Variants in ESR1 observed in about 807,000 individuals in gnomAD.
ESR1 encodes estrogen receptor.
Under a neutral mutation model 52.7 loss-of-function variants are expected in ESR1, and 12 were observed. The ratio of observed to expected loss-of-function variants is 0.23; its 90% CI spans 0.15 to 0.37. The LOEUF is 0.37. Among genes scored for constraint, ESR1 ranks in the 10% least tolerant of loss-of-function variants. ESR1 has a pLI of 1.00. For missense variants in ESR1, 584 were observed against 779.7 expected (o/e 0.75, Z 2.99); for synonymous variants, 305 against 316.8 (o/e 0.96, Z 0.39).
At chr6:151,802,568 A>G (rs1777368453), upstream of ESR1, among the ~76,000 whole-genome samples, 1 of 152,250 alleles carries the variant, frequency 6.6e-6, no homozygotes, top group Admixed American at 6.5e-5. Context: ...CGAACTAAAA[A>G]TTCAGAGCTC....
chr6:152,019,865 G>A (rs1272729912), intron 5 of ESR1, among the ~76,000 whole-genome samples: 1 of 152,092 alleles, frequency 6.6e-6, no homozygotes, highest in African/African-American at 2.4e-5. Flanking sequence ...GTTTGTGTTA[G>A]TTAGGATTCA....
chr6:152,022,784 C>T (rs1463871572), intron 5 of ESR1, among the ~76,000 whole-genome samples: 4 of 150,348 alleles, frequency 2.7e-5, no homozygotes, highest in Non-Finnish European at 5.9e-5. Flanking sequence ...CCAACCTGAC[C>T]AACATGGAGA....
intron 3 of ESR1, among the ~76,000 whole-genome samples, chr6:151,937,685 G>A (rs1292892202): frequency 6.6e-6 from 1 of 152,102 alleles, no homozygotes; most frequent in Non-Finnish European, 1.5e-5. Context: ...ACATTTAGAG[G>A]CTGTGATAAC....
rs149079165 is a variant in ESR1, at chr6:151,896,090, C to T, written c.760+15319C>T. Among the ~76,000 whole-genome samples the T allele has an allele frequency of 4.6e-5, 7 of 152,308 alleles. No individual in the cohort carries two copies. The East Asian group carries it at 7.7e-4, about 17-fold the overall frequency. ...TTGGGATTACAGGCGTGAGCCACAG[C>T]GCCCGGCCAGATTTTTGCATCTATG... On this transcript the variant is annotated intron_variant, in intron 3 of 7. Transcript: ENST00000206249.
rs578014736 is a variant in ESR1, at chr6:151,832,958, C to T, written c.453-9639C>T. Among the ~76,000 whole-genome samples the T allele has an allele frequency of 1.8e-4, 28 of 152,112 alleles. No homozygotes were observed. The South Asian group carries it at 5.2e-3, about 28-fold the overall frequency. ...CTTTTCTGGAGATGCACAGTGGACA[C>T]GTAGTTATATGATGATGATAAGGAC... On this transcript the variant is annotated intron_variant, in intron 1 of 7. Transcript: ENST00000206249.
intron 4 of ESR1, among the ~76,000 whole-genome samples, chr6:152,009,628 T>C (rs983064762): frequency 2.6e-5 from 4 of 152,126 alleles, no homozygotes; most frequent in Non-Finnish European, 4.4e-5. Flanking sequence ...GTTTTGCTGG[T>C]GAGAATGTAA....
Position 151,925,104 on chromosome 6 carries a change from A to G in ESR1, c.761-19069A>G, listed in dbSNP as rs190962225. Among the ~76,000 whole-genome samples, 132 of 122,250 alleles carry G rather than the reference A, an allele frequency of 1.1e-3. No individual in the cohort carries two copies. The South Asian group carries it at 0.012, about 11-fold the overall frequency. 80.2% of individuals were successfully genotyped at this position (122,250 alleles called of 152,430 possible). A position where few individuals can be genotyped will look rare whatever the true frequency, so the allele number is the denominator to read the frequency against. On this transcript the variant is annotated intron_variant, in intron 3 of 7. Coordinates refer to ENST00000206249, the MANE Select transcript of ESR1 (RefSeq NM_000125.4). ...AGTGTATAAGTCTTCCCTTTTCTCC[A>G]TAACCTCCCCAGCATCTGGTTTTTT...
In ESR1 at chr6:151,808,248, C is replaced by A; in HGVS notation, c.336C>A (p.His112Gln). ...SVSPSPLMLL[H>Q]PPPQLSPFLQ... The stretch of plus-strand genomic sequence containing the variant: ...CTCCGAGCCCGCTGATGCTACTGCA[C>A]CCGCCGCCGCAGCTGTCGCCTTTCC... Residue 112 changes from histidine (H) to glutamine (Q), a missense_variant, in exon 1 of 8, where the codon CAC (histidine) becomes CAA (glutamine). Around this residue, in one of 6 missense-constraint regions of ESR1, gnomAD observed 251 missense variants for 246.1 expected, o/e 1.02. Coordinates refer to ENST00000206249, the MANE Select transcript of ESR1 (RefSeq NM_000125.4). 6.3e-7 allele frequency: 1 copy of A among 1,576,816 alleles called. No individual in the cohort carries two copies. The highest frequency in any genetic ancestry group is 8.6e-7 in the Non-Finnish European group (1 of 1,161,748).
At chr6:152,096,248 A>G (rs2050600523) in intron 7 of ESR1, among the ~76,000 whole-genome samples, 1 of 152,202 alleles carries the variant, frequency 6.6e-6, no homozygotes, top group South Asian at 2.1e-4. Context: ...GGCTTACACC[A>G]GGACCCTAGG....
intron 2 of ESR1, among the ~76,000 whole-genome samples, chr6:151,792,015 C>T (rs1269953920): frequency 6.6e-6 from 1 of 152,204 alleles, no homozygotes. Flanking sequence ...CTTATGCCAA[C>T]CTCAGTGGTA....
At chr6:151,749,463 G>A (rs570229460) in intron 2 of ESR1, among the ~76,000 whole-genome samples, 95 of 152,194 alleles carry the variant, frequency 6.2e-4, no homozygotes, top group African/African-American at 2.1e-3. Context: ...TGAAATATAC[G>A]ATGCATTATT....
Position 152,119,078 on chromosome 6 carries a change from G to T in ESR1, c.851-6188G>T, listed in dbSNP as rs373047791. The stretch of plus-strand genomic sequence containing the variant: ...AGGCAGCCCAGACCAGCCCTGGGAG[G>T]CCCGGCTTTTCTGGACACGATTAGC... On this transcript the variant is annotated intron_variant, in intron 6 of 6. Transcript: ENST00000427531. Among the ~76,000 whole-genome samples, 5 of 152,312 alleles carry T rather than the reference G, an allele frequency of 3.3e-5. No homozygotes were observed. The South Asian group carries it at 1.0e-3, about 32-fold the overall frequency.
At chr6:152,013,949 T>A (rs2042971181) in intron 5 of ESR1, among the ~76,000 whole-genome samples, 1 of 152,150 alleles carries the variant, frequency 6.6e-6, no homozygotes, top group African/African-American at 2.4e-5. Context: ...ATAGCTCCCA[T>A]AGTTCCCATG....
At chr6:151,843,026 A>T (rs571303948) in intron 2 of ESR1, among the ~76,000 whole-genome samples, 1 of 152,186 alleles carries the variant, frequency 6.6e-6, no homozygotes, top group Non-Finnish European at 1.5e-5. Flanking sequence ...GCAAGACTCA[A>T]TCAGTCTTGA....
intron 1 of ESR1, among the ~76,000 whole-genome samples, chr6:151,823,636 G>A (rs1331684858): frequency 5.8e-5 from 8 of 138,708 alleles, no homozygotes; most frequent in East Asian, 2.4e-4. Context: ...CCCACCCCAC[G>A]ACAGGTCCCG....
At chr6:151,798,311 C>T (rs1374144617) in intron 2 of ESR1, among the ~76,000 whole-genome samples, 1 of 151,878 alleles carries the variant, frequency 6.6e-6, no homozygotes, top group African/African-American at 2.4e-5. Context: ...ATGAACTCGA[C>T]AGCATGATAA....
intron 2 of ESR1, among the ~76,000 whole-genome samples, chr6:151,781,954 A>G (rs1487603937): frequency 6.6e-6 from 1 of 152,172 alleles, no homozygotes; most frequent in Non-Finnish European, 1.5e-5. Flanking sequence ...GGTAAGTAGT[A>G]CTGAGGAAAT....
intron 1 of ESR1, among the ~76,000 whole-genome samples, chr6:151,827,578 CTTCAACTATGATGT>C (rs1310863955): frequency 2.0e-5 from 3 of 152,160 alleles, no homozygotes; most frequent in East Asian, 3.9e-4. Context: ...CATCGCCCAG[CTTCAACTATGATGT>C]TTCATTTGTA....
chr6:151,967,041 A>G (rs922384431), intron 4 of ESR1, among the ~76,000 whole-genome samples: 16 of 152,194 alleles, frequency 1.1e-4, no homozygotes, highest in African/African-American at 3.6e-4. Flanking sequence ...GGGATGGAAA[A>G]TAAAGGCTAT....
Sources: allele counts gnomAD v4.1 joint callset (sites outside exome capture counted in the v4.1 genomes callset), GRCh38; gene constraint gnomAD v4.1.1; regional missense constraint gnomAD v4.1.1; transcripts MANE v1.5; gene names NCBI Gene and HGNC (gene_info 2026-07-23, HGNC 2026-07-21).